The following ELK3 variants were observed in gnomAD, a reference collection of about 807,000 sequenced individuals.
The protein encoded by ELK3 is ETS transcription factor ELK3, also known as ETS domain-containing protein Elk-3.
In ELK3, 10 loss-of-function variants were observed where a neutral mutation model predicts 28.9. The observed-to-expected ratio is 0.35, with a 90% CI of 0.21 to 0.59. The LOEUF (loss-of-function observed/expected upper bound fraction) is 0.59. Ranked by LOEUF, ELK3 falls within the 20% of genes least tolerant of loss-of-function variation. The pLI, the probability that ELK3 is intolerant of heterozygous loss-of-function variation, is 0.82. For missense variants in ELK3, 463 were observed against 517.3 expected, an observed-to-expected ratio of 0.90 and a Z score of 1.02; for synonymous variants, 272 against 243.5, an observed-to-expected ratio of 1.12 and a Z score of -1.09.
intron 1 of ELK3, chr12:96,198,036 T>TG (rs1305212001): frequency 6.6e-6 from 1 of 152,206 alleles, no homozygotes; most frequent in East Asian, 1.9e-4. Context: ...AAGACCAGTA[T>TG]GGTGCTGTGA....
intron 1 of ELK3, among the ~76,000 whole-genome samples, chr12:96,210,839 A>C (rs1228759961): frequency 6.6e-6 from 1 of 152,252 alleles, no homozygotes; most frequent in African/African-American, 2.4e-5. Context: ...GCAACACCAG[A>C]AATGAACAAG....
chr12:96,236,339 A>G (rs1164243183), intron 2 of ELK3, among the ~76,000 whole-genome samples: 1 of 152,038 alleles, frequency 6.6e-6, no homozygotes, highest in Non-Finnish European at 1.5e-5. Context: ...ACTTCTCACT[A>G]GCACCCTCAG....
At chr12:96,211,440 G>C (rs541994138) in intron 1 of ELK3, among the ~76,000 whole-genome samples, 1 of 148,988 alleles carries the variant, frequency 6.7e-6, no homozygotes, top group South Asian at 2.2e-4. Flanking sequence ...AAGGTCCATG[G>C]ACCAAATATG....
At chr12:96,221,325 A>G (rs542885641) in intron 1 of ELK3, among the ~76,000 whole-genome samples, 1 of 152,342 alleles carries the variant, frequency 6.6e-6, no homozygotes, top group South Asian at 2.1e-4. Flanking sequence ...AAGTGTAGTA[A>G]AATACATGGA....
chr12:96,258,951 C>A (rs1451076723), intron 3 of ELK3, among the ~76,000 whole-genome samples: 1 of 152,212 alleles, frequency 6.6e-6, no homozygotes, highest in East Asian at 1.9e-4. Flanking sequence ...GGTATTTTAA[C>A]AGCAAATCCC....
intron 2 of ELK3, among the ~76,000 whole-genome samples, chr12:96,245,134 G>A (rs1008326827): frequency 6.6e-6 from 1 of 152,096 alleles, no homozygotes; most frequent in African/African-American, 2.4e-5. Context: ...CTCTGTATGA[G>A]ATCTCCTGTG....
chr12:96,243,760 G>A (rs771212779), intron 2 of ELK3, among the ~76,000 whole-genome samples: 1 of 151,878 alleles, frequency 6.6e-6, no homozygotes, highest in Non-Finnish European at 1.5e-5. Flanking sequence ...GGAGAATGGC[G>A]TGAATCAGGG....
At chr12:96,244,447 ATTTT>A (rs34067649) in intron 2 of ELK3, among the ~76,000 whole-genome samples, 2 of 139,600 alleles carry the variant, frequency 1.4e-5, no homozygotes. Context: ...GAAAATTAGA[ATTTT>A]TTTTTTTTTT....
At position 96,266,933 on chromosome 12, in the gene ELK3, A is replaced by G. The variant is rs7974921; in HGVS notation, c.1126-149A>G. Reference sequence around the variant, plus strand: ...ATCTTGATCTCATTGTCATCTTCCAATTATTCTGTAAAATACATTGGCAAC... The same window carrying G: ...ATCTTGATCTCATTGTCATCTTCCAGTTATTCTGTAAAATACATTGGCAAC... On this transcript the variant is annotated intron_variant, in intron 4 of 4. Coordinates refer to ENST00000228741, the MANE Select transcript of ELK3 (RefSeq NM_005230.4). 0.39 allele frequency: 204,388 copies of G among 522,448 alleles called. 43,648 individuals are homozygous for G. The highest frequency in any genetic ancestry group is 0.63 in the African/African-American group (32,629 of 51,518). 32.4% of individuals were successfully genotyped at this position (522,448 alleles called of 1,614,324 possible).
intron 3 of ELK3, among the ~76,000 whole-genome samples, chr12:96,254,082 T>C (rs1449365516): frequency 1.3e-5 from 2 of 152,228 alleles, no homozygotes; most frequent in African/African-American, 4.8e-5. Context: ...TCCCAATATT[T>C]AGGGAGGCCA....
At chr12:96,225,812 T>C (rs1241560887) in intron 2 of ELK3, among the ~76,000 whole-genome samples, 1 of 152,118 alleles carries the variant, frequency 6.6e-6, no homozygotes, top group Non-Finnish European at 1.5e-5. Flanking sequence ...GTCCAAAGGG[T>C]ATTACAACCT....
At chr12:96,237,262 G>T (rs894409223) in intron 2 of ELK3, among the ~76,000 whole-genome samples, 1 of 152,186 alleles carries the variant, frequency 6.6e-6, no homozygotes, top group African/African-American at 2.4e-5. Context: ...TGGGTCAGAG[G>T]AGCCCTTTCA....
chr12:96,233,899 T>TAA (rs1951761212), intron 2 of ELK3, among the ~76,000 whole-genome samples: 1 of 152,198 alleles, frequency 6.6e-6, no homozygotes, highest in Non-Finnish European at 1.5e-5. Flanking sequence ...TGTGTTTTGT[T>TAA]AAGTGTCTTT....
At position 96,269,533 on chromosome 12, in the gene ELK3, G is replaced by A. The variant is rs1303521598; in HGVS notation, c.*2353G>A. 6.6e-6 allele frequency: 1 copy of A among 152,158 alleles called. No individual in the cohort carries two copies. Among genetic ancestry groups the A allele is most frequent in the East Asian group, 1.9e-4 (1 of 5,202 alleles). 9.4% of individuals were successfully genotyped at this position (152,158 alleles called of 1,614,324 possible). A position where few individuals can be genotyped will look rare whatever the true frequency, so the allele number is the denominator to read the frequency against. ...ACACAAACAGAGAACTGGAGGAACTGAAGAATAACTCACTCATATAGCTCT... is the reference window on the plus strand; with the variant it reads ...ACACAAACAGAGAACTGGAGGAACTAAAGAATAACTCACTCATATAGCTCT... On this transcript the variant is annotated 3_prime_UTR_variant, in exon 5 of 5. Transcript: ENST00000228741.
intron 3 of ELK3, among the ~76,000 whole-genome samples, chr12:96,258,880 A>G (rs1286308601): frequency 6.6e-6 from 1 of 151,774 alleles, no homozygotes; most frequent in Non-Finnish European, 1.5e-5. Context: ...ATTCTCATCA[A>G]CTCCACATCC....
At chr12:96,234,910 G>A (rs908212780) in intron 2 of ELK3, among the ~76,000 whole-genome samples, 1 of 152,186 alleles carries the variant, frequency 6.6e-6, no homozygotes, top group Non-Finnish European at 1.5e-5. Flanking sequence ...TGTATGCCCA[G>A]TACTGCTGAT....
chr12:96,202,371 C>T (rs997582182), intron 1 of ELK3, among the ~76,000 whole-genome samples: 5 of 152,124 alleles, frequency 3.3e-5, no homozygotes, highest in Admixed American at 1.3e-4. Flanking sequence ...CCCCCGACCC[C>T]TCTATTTTTC....
At chr12:96,231,535 C>T (rs1951741708) in intron 2 of ELK3, among the ~76,000 whole-genome samples, 1 of 152,176 alleles carries the variant, frequency 6.6e-6, no homozygotes, top group South Asian at 2.1e-4. Context: ...TCCTGTTGGC[C>T]AGACTGGAGT....
At chr12:96,223,524 A>G (rs372585505) in intron 1 of ELK3, 41 bp from the exon 2 acceptor site, 35 of 1,606,534 alleles carry the variant, frequency 2.2e-5, no homozygotes, top group Non-Finnish European at 3.0e-5. Flanking sequence ...TTTGGTCGGC[A>G]TCGTGACCAG....
Sources: gnomAD v4.1 joint callset for allele counts (sites outside exome capture counted in the v4.1 genomes callset) on GRCh38, gnomAD v4.1.1 for gene constraint, MANE v1.5 for transcripts, NCBI Gene and HGNC (gene_info 2026-07-23, HGNC 2026-07-21) for gene names.